NLRP8: variants seen among roughly 807,000 people sequenced by gnomAD.
NLRP8 encodes the protein NACHT, LRR and PYD domains-containing protein 8.
In NLRP8, 86 loss-of-function variants were observed where a neutral mutation model predicts 88.7. That is an observed-to-expected ratio of 0.97 (90% CI 0.81 to 1.16). The LOEUF (loss-of-function observed/expected upper bound fraction) is 1.16. Among genes scored for constraint, NLRP8 ranks in the 50% most tolerant of loss-of-function variants. The pLI is 0.00. For synonymous variants in NLRP8, 504 were observed against 494.6 expected (o/e 1.02, Z -0.25); for missense variants, 1,342 against 1,286.5 (o/e 1.04, Z -0.66).
At position 55,970,459 on chromosome 19, in the gene NLRP8, G is replaced by A. The variant is rs1179334268; in HGVS notation, c.2382-85G>A. ...CCCGAGTCTCTGCTGTGAAGACTGA[G>A]ACATGAGACAGTGGAATCCAGGAGG... On this transcript the variant is annotated intron_variant, in intron 5 of 9. Transcript: ENST00000291971. 7 of 1,458,746 alleles carry A rather than the reference G, an allele frequency of 4.8e-6. No homozygotes were observed. In the African/African-American group the frequency reaches 9.8e-5, roughly 21 times the overall value. The allele number at this position is 1,458,746 out of a possible 1,614,324, so 90.4% of individuals were successfully genotyped here. A position where few individuals can be genotyped will look rare whatever the true frequency, so the allele number is the denominator to read the frequency against.
At chr19:55,968,405 C>T (rs891185218) in intron 5 of NLRP8, among the ~76,000 whole-genome samples, 12 of 151,898 alleles carry the variant, frequency 7.9e-5, no homozygotes, top group African/African-American at 2.9e-4. Flanking sequence ...CGCCATTGCA[C>T]TCCAGCCTGG....
rs371727869 is a variant in NLRP8 at position 55,983,262 on chromosome 19, G to A, written c.3047+3698G>A. The stretch of plus-strand genomic sequence containing the variant: ...GTGGATCATCTGAGGTCAGGAGTTC[G>A]AGACCAGCATGGCCAACGTGGTAAA... On this transcript the variant is annotated intron_variant, in intron 9 of 9. Transcript: ENST00000291971. Among the ~76,000 whole-genome samples the A allele has an allele frequency of 3.2e-4, 49 of 151,982 alleles. 1 individual carries two copies. The highest frequency in any genetic ancestry group is 9.9e-4 in the African/African-American group (41 of 41,474).
At chr19:55,957,392 T>C (rs1444628920) in intron 3 of NLRP8, among the ~76,000 whole-genome samples, 2 of 151,998 alleles carry the variant, frequency 1.3e-5, no homozygotes, top group Non-Finnish European at 2.9e-5. Flanking sequence ...CCATCTTGAA[T>C]TAAAAGAAAC....
At chr19:55,982,251 G>A (rs1568470069) in intron 9 of NLRP8, among the ~76,000 whole-genome samples, 1 of 152,096 alleles carries the variant, frequency 6.6e-6, no homozygotes, top group African/African-American at 2.4e-5. Context: ...AGCCAGAGCA[G>A]TTGGGGTCTT....
chr19:55,957,709 ATATATATATATATAT>A (rs1979438890), intron 3 of NLRP8, among the ~76,000 whole-genome samples: 2 of 55,718 alleles, frequency 3.6e-5, no homozygotes, highest in East Asian at 9.0e-4. Context: ...ATATATATAT[ATATATATATATATAT>A]AAAATAAGGT....
intron 9 of NLRP8, among the ~76,000 whole-genome samples, chr19:55,987,256 C>T (rs2867235): frequency 0.37 from 56,708 of 152,092 alleles, 10,781 homozygotes; most frequent in Admixed American, 0.4. Flanking sequence ...TATAATCCCA[C>T]CTTCTAGGGA....
At position 55,987,874 on chromosome 19, in the gene NLRP8, C is replaced by A. The variant is rs757824925; in HGVS notation, c.3108C>A (p.Phe1036Leu). ...CCCCAACTCCTCACCCACCCGACTT[C>A]ACGGGAAAAAGTGACTGCCTATCCC... Residue 1036 changes from phenylalanine (F) to leucine (L), a missense_variant, in exon 10 of 10, where the codon TTC (phenylalanine) becomes TTA (leucine). Transcript: ENST00000291971. The A allele has an allele frequency of 6.2e-7, 1 of 1,614,100 alleles. No individual in the cohort carries two copies. The highest frequency in any genetic ancestry group is 1.1e-5 in the South Asian group (1 of 91,076).
Position 55,988,053 on chromosome 19 carries a change from A to G in NLRP8, c.*140A>G, listed in dbSNP as rs1980936678. ...AACCCAGTCAACACCACAGAACCTC[A>G]GCTTTGAACCCTGGAGTGAGGACGG... On this transcript the variant is annotated 3_prime_UTR_variant, in exon 10 of 10. Coordinates refer to ENST00000291971, the MANE Select transcript of NLRP8 (RefSeq NM_176811.2). 3.1e-6 allele frequency: 2 copies of G among 652,204 alleles called. No homozygotes were observed. Among genetic ancestry groups the G allele is most frequent in the Non-Finnish European group, 5.5e-6 (2 of 362,588 alleles). The allele number at this position is 652,204 out of a possible 1,614,324, so 40.4% of individuals were successfully genotyped here. A position where few individuals can be genotyped will look rare whatever the true frequency, so the allele number is the denominator to read the frequency against.
At chr19:55,957,772 T>C (rs1433574803) in intron 3 of NLRP8, among the ~76,000 whole-genome samples, 2 of 147,718 alleles carry the variant, frequency 1.4e-5, no homozygotes, top group Non-Finnish European at 1.5e-5. Flanking sequence ...ACTGAATAAG[T>C]CCAGTCCTTC....
At position 55,987,957 on chromosome 19, in the gene NLRP8, A is replaced by C. The variant is rs755240368; in HGVS notation, c.*44A>C. ...TCTGGGGCTTGATTGATCAGTTCCC[A>C]CTCTGACAACTGGCAAATACCAGGC... On this transcript the variant is annotated 3_prime_UTR_variant, in exon 10 of 10. Coordinates refer to ENST00000291971, the MANE Select transcript of NLRP8 (RefSeq NM_176811.2). 6.9e-7 allele frequency: 1 copy of C among 1,440,404 alleles called. No homozygotes were observed. Among genetic ancestry groups the C allele is most frequent in the Non-Finnish European group, 9.8e-7 (1 of 1,022,110 alleles). The allele number at this position is 1,440,404 out of a possible 1,614,324, so 89.2% of individuals were successfully genotyped here.
At chr19:55,966,088 A>T (rs1200658596) in intron 4 of NLRP8, 125 bp from the exon 5 acceptor site, 9 of 743,500 alleles carry the variant, frequency 1.2e-5, no homozygotes, top group Non-Finnish European at 1.1e-5. Flanking sequence ...ATTCAGTTGT[A>T]AACCCCCTGA....
rs76883458 is a variant in NLRP8 at position 55,962,653 on chromosome 19, G to A, written c.2213+416G>A. ...CCTATTTACTTCAGCTCAGGTGTTC[G>A]AGACCAGTCCCAGCTACTTGGGAGG... is the stretch of plus-strand genomic sequence containing the variant. On this transcript the variant is annotated intron_variant, in intron 4 of 9. Coordinates refer to ENST00000291971, the MANE Select transcript of NLRP8 (RefSeq NM_176811.2). 9.0e-3 allele frequency among the ~76,000 whole-genome samples: 1,366 copies of A among 152,182 alleles called. 26 individuals carry two copies. Among genetic ancestry groups the A allele is most frequent in the African/African-American group, 0.032 (1,310 of 41,510 alleles).
intron 2 of NLRP8, among the ~76,000 whole-genome samples, chr19:55,954,167 T>C (rs944449683): frequency 3.3e-5 from 5 of 152,178 alleles, no homozygotes; most frequent in African/African-American, 1.2e-4. Context: ...ATCTTCTATC[T>C]GTGAGGCAAG....
chr19:55,982,259 C>T (rs561475163), intron 9 of NLRP8, among the ~76,000 whole-genome samples: 1 of 152,218 alleles, frequency 6.6e-6, no homozygotes, highest in South Asian at 2.1e-4. Flanking sequence ...CAGTTGGGGT[C>T]TTCAACCTCC....
Position 55,955,931 on chromosome 19 carries a change from G to C in NLRP8, c.1873G>C (p.Ala625Pro). Residue 625 changes from alanine (A) to proline (P), a missense_variant, in exon 3 of 10, where the codon GCC (alanine) becomes CCC (proline). By Grantham distance (27) the Ala-to-Pro change is conservative. Transcript: ENST00000291971. The stretch of plus-strand genomic sequence containing the variant: ...CCGGGAGGAAGCCTTTGTAAGCCAA[G>C]CCCTAAATGATTATCATAAAGTTGT... 1 of 1,614,160 alleles carries C rather than the reference G, an allele frequency of 6.2e-7. No individual in the cohort carries two copies. The highest frequency in any genetic ancestry group is 8.5e-7 in the Non-Finnish European group (1 of 1,180,020).
At chr19:55,948,908 A>G (rs1239085354) in intron 1 of NLRP8, among the ~76,000 whole-genome samples, 1 of 152,240 alleles carries the variant, frequency 6.6e-6, no homozygotes, top group South Asian at 2.1e-4. Flanking sequence ...ATTTAAAGCA[A>G]GAAGGTTAAA....
chr19:55,988,403 A>G lies in NLRP8; in HGVS notation c.*490A>G, dbSNP rs76087581. ...GAGCAAGACTCTGTCTCAAGAAGAA[A>G]AAAAAAATACATATACACATAAATA... On this transcript the variant is annotated 3_prime_UTR_variant, in exon 10 of 10. Transcript: ENST00000291971. The G allele has an allele frequency of 0.17, 24,198 of 142,644 alleles. 2,229 individuals carry two copies. The highest frequency in any genetic ancestry group is 0.27 in the East Asian group (1,324 of 4,850). The allele number at this position is 142,644 out of a possible 1,614,324, so 8.8% of individuals were successfully genotyped here.
intron 3 of NLRP8, among the ~76,000 whole-genome samples, chr19:55,961,203 C>G (rs183433422): frequency 6.6e-6 from 1 of 151,942 alleles, no homozygotes; most frequent in East Asian, 1.9e-4. Flanking sequence ...TGCCCGGCCA[C>G]TTTCAACTAT....
rs1207233798 is a variant in NLRP8, at chr19:55,986,490, ACACACACACACACACACACT to A, written c.3048-1323_3048-1304del. The stretch of plus-strand genomic sequence containing the variant: ...CTCTCACATACACACACACACACAC[ACACACACACACACACACACT>A]AATTGCTTCAGGACAGCCAGCTGAA... On this transcript the variant is annotated intron_variant, in intron 9 of 9. Transcript: ENST00000291971. 1.4e-3 allele frequency among the ~76,000 whole-genome samples: 216 copies of A among 151,310 alleles called. 1 individual carries two copies. The highest frequency in any genetic ancestry group is 5.1e-3 in the African/African-American group (208 of 41,092).
Sources: gnomAD v4.1 joint callset for allele counts (sites outside exome capture counted in the v4.1 genomes callset) on GRCh38, gnomAD v4.1.1 for gene constraint, MANE v1.5 for transcripts, NCBI Gene and HGNC (gene_info 2026-07-23, HGNC 2026-07-21) for gene names.